KATNB1: variants seen among roughly 807,000 people sequenced by gnomAD.
The protein encoded by KATNB1 is katanin regulatory subunit B1.
In KATNB1, 38 loss-of-function variants were observed where a neutral mutation model predicts 82.3. The observed-to-expected ratio is 0.46, with a 90% confidence interval of 0.36 to 0.61. KATNB1 has a LOEUF of 0.61. Among genes scored for constraint, KATNB1 ranks in the 20% least tolerant of loss-of-function variants. The pLI is 0.00. For synonymous variants in KATNB1, 361 were observed against 368.7 expected (o/e 0.98, Z 0.24); for missense variants, 749 against 915.7 (o/e 0.82, Z 2.35).
intron 4 of KATNB1, 48 bp from the exon 5 acceptor site, chr16:57,750,779 C>A: frequency 6.9e-7 from 1 of 1,446,520 alleles, no homozygotes; most frequent in Non-Finnish European, 9.7e-7. Context: ...CCTCTGCCAG[C>A]CTTCTCATTT....
chr16:57,744,155 G>C (rs1197223939), intron 3 of KATNB1, among the ~76,000 whole-genome samples: 1 of 152,246 alleles, frequency 6.6e-6, no homozygotes, highest in African/African-American at 2.4e-5. Context: ...GCACAGCAGG[G>C]AAGAGGGAGG....
In KATNB1 at chr16:57,750,918, A is replaced by C; in HGVS notation, c.381A>C (p.Thr127=). The C allele has an allele frequency of 6.2e-7, 1 of 1,613,732 alleles. No homozygotes were observed. The highest frequency in any genetic ancestry group is 8.5e-7 in the Non-Finnish European group (1 of 1,179,658). The part of the protein sequence containing the change: ...GEFVASGSQD[T]NIKLWDIRRK... Reference sequence around the variant, plus strand: ...TTGTAGCCTCTGGTTCCCAGGACACAAACATCAAGGTGAGAGGCCGGTCCG... The same window carrying C: ...TTGTAGCCTCTGGTTCCCAGGACACCAACATCAAGGTGAGAGGCCGGTCCG... The change falls in exon 5 of 20, where the codon ACA becomes ACC. Residue 127 remains threonine (T), a synonymous_variant. Coordinates refer to ENST00000379661, the MANE Select transcript of KATNB1 (RefSeq NM_005886.3).
At chr16:57,755,281 G>A (rs1459258274) in intron 15 of KATNB1, 43 bp downstream of exon 15, 8 of 1,610,496 alleles carry the variant, frequency 5.0e-6, no homozygotes, top group Non-Finnish European at 6.8e-6. Context: ...AGGTCTGTGG[G>A]TGGAGGGCAG....
chr16:57,744,779 G>A (rs1356355812), intron 4 of KATNB1, among the ~76,000 whole-genome samples: 2 of 11,002 alleles, frequency 1.8e-4, no homozygotes, highest in East Asian at 1.6e-3. Context: ...GCGGGCACGT[G>A]TGTGTGTGTG....
chr16:57,739,180 AGT>A (rs2049124861), intron 2 of KATNB1, among the ~76,000 whole-genome samples: 1 of 152,156 alleles, frequency 6.6e-6, no homozygotes, highest in South Asian at 2.1e-4. Flanking sequence ...CCAAGCCATC[AGT>A]GTGTGCGAGC....
At position 57,755,913 on chromosome 16, in the gene KATNB1, A is replaced by G; in HGVS notation, c.1639A>G (p.Lys547Glu). Residue 547 changes from lysine to glutamate, a missense_variant, in exon 17 of 20, where the codon AAA (lysine) becomes GAA (glutamate). Lys to Glu is a moderately conservative substitution (Grantham distance 56). Around this residue, in one of 3 missense-constraint regions of KATNB1, gnomAD observed 407 missense variants for 434.7 expected, o/e 0.94. Transcript: ENST00000379661. ...GGACCTCCTGAACATCGTCAACCAG[A>G]AAGCGTAAGTGGCTGCAGAGGGGGA... ...VVDLLNIVNQ[K>E]ASLWKLDLCT... 6.3e-7 allele frequency: 1 copy of G among 1,599,604 alleles called. No homozygotes were observed.
chr16:57,755,064 C>T (rs2049264340), intron 14 of KATNB1, 55 bp from the exon 15 acceptor site: 5 of 1,613,200 alleles, frequency 3.1e-6, no homozygotes, highest in South Asian at 1.1e-5. Context: ...GGGGGTGCCT[C>T]GGGAGGCAGA....
chr16:57,755,968 G>A, intron 17 of KATNB1, 24 bp from the exon 18 acceptor site: 1 of 1,613,026 alleles, frequency 6.2e-7, no homozygotes, highest in East Asian at 2.2e-5. Flanking sequence ...TGGGCTGATG[G>A]CAGCATGTCC....
intron 2 of KATNB1, among the ~76,000 whole-genome samples, chr16:57,738,230 T>C (rs1228049813): frequency 6.6e-6 from 1 of 151,006 alleles, no homozygotes; most frequent in Non-Finnish European, 1.5e-5. Flanking sequence ...GTCCCTGGGC[T>C]GGTTTTCAGG....
chr16:57,741,749 C>T lies in KATNB1; in HGVS notation c.103C>T (p.Leu35=). The T allele has an allele frequency of 1.9e-6, 3 of 1,614,196 alleles. No homozygotes were observed. In the East Asian group the frequency reaches 6.7e-5, roughly 36 times the overall value. The change falls in exon 3 of 20, where the codon CTG becomes TTG. Residue 35 remains leucine (L), a synonymous_variant. Coordinates refer to ENST00000379661, the MANE Select transcript of KATNB1 (RefSeq NM_005886.3). ...GGTGCTGGGCAAAGCCTCCGGGCGG[C>T]TGCTGGCTACAGGCGGGGATGACTG... ...SLVLGKASGR[L]LATGGDDCRV... is the part of the protein sequence containing the mutation.
In KATNB1 at chr16:57,751,493, T is replaced by C; in HGVS notation, c.433-148T>C. On this transcript the variant is annotated intron_variant, in intron 6 of 19. Coordinates refer to ENST00000379661, the MANE Select transcript of KATNB1 (RefSeq NM_005886.3). The surrounding 1 kb of genome is among the most constrained non-coding windows in gnomAD (Gnocchi z 6.3). ...ATCCCCTGGCTCTGCATGAATCCCCTAGAGCCACGTTCATCAAACTGCTCC... is the reference window on the plus strand; with the variant it reads ...ATCCCCTGGCTCTGCATGAATCCCCCAGAGCCACGTTCATCAAACTGCTCC... 1.1e-6 allele frequency: 1 copy of C among 918,378 alleles called. No individual in the cohort carries two copies. Among genetic ancestry groups the C allele is most frequent in the East Asian group, 2.5e-5 (1 of 39,956 alleles). 56.9% of individuals were successfully genotyped at this position (918,378 alleles called of 1,614,324 possible). A position where few individuals can be genotyped will look rare whatever the true frequency, so the allele number is the denominator to read the frequency against.
intron 19 of KATNB1, 103 bp downstream of exon 19, chr16:57,756,575 G>A (rs2049286242): frequency 8.2e-7 from 1 of 1,224,558 alleles, no homozygotes; most frequent in Non-Finnish European, 1.1e-6. Context: ...CTGGGACAGA[G>A]TACAGAGGAG....
chr16:57,753,631 C>T lies in KATNB1; in HGVS notation c.1177+112C>T, dbSNP rs187502662. ...CGCATCCCTTTAACTTCCTCCTAAC[C>T]CACACCTGGGCTCCGTATCCTGTCC... is the stretch of plus-strand genomic sequence containing the variant. On this transcript the variant is annotated intron_variant, in intron 12 of 19. Transcript: ENST00000379661. The T allele has an allele frequency of 2.3e-4, 321 of 1,391,310 alleles. 1 individual carries two copies. The African/African-American group carries it at 4.2e-3, about 18-fold the overall frequency. The allele number at this position is 1,391,310 out of a possible 1,614,324, so 86.2% of individuals were successfully genotyped here.
At chr16:57,738,832 G>T (rs1482039677) in intron 2 of KATNB1, among the ~76,000 whole-genome samples, 1 of 152,212 alleles carries the variant, frequency 6.6e-6, no homozygotes, top group South Asian at 2.1e-4. Context: ...GGACAAAGTA[G>T]TCAAGGTCTC....
intron 4 of KATNB1, among the ~76,000 whole-genome samples, chr16:57,747,453 G>C (rs2049191736): frequency 6.6e-6 from 1 of 152,214 alleles, no homozygotes; most frequent in African/African-American, 2.4e-5. Flanking sequence ...CTCTGTGTAG[G>C]TGGTACTCAA....
At chr16:57,752,981 C>T (rs1015101490) in intron 10 of KATNB1, 53 bp downstream of exon 10, 3 of 1,594,934 alleles carry the variant, frequency 1.9e-6, no homozygotes, top group African/African-American at 1.3e-5. Context: ...CCACCCGCCT[C>T]CCTCCAGCCC....
At chr16:57,755,308 C>T (rs1489686832) in intron 15 of KATNB1, 37 bp from the exon 16 acceptor site, 3 of 1,611,238 alleles carry the variant, frequency 1.9e-6, no homozygotes, top group East Asian at 2.2e-5. Context: ...GCTGCTGGCT[C>T]CTCCCATGCC....
intron 3 of KATNB1, among the ~76,000 whole-genome samples, chr16:57,742,566 C>T (rs891996660): frequency 7.2e-5 from 11 of 152,230 alleles, no homozygotes; most frequent in African/African-American, 2.4e-4. Flanking sequence ...AATAAAAATA[C>T]ACTGCCACTC....
intron 2 of KATNB1, among the ~76,000 whole-genome samples, chr16:57,741,478 T>C (rs2049141359): frequency 1.3e-5 from 2 of 152,164 alleles, no homozygotes; most frequent in South Asian, 4.1e-4. Context: ...ATGATGAAAG[T>C]TGAGAAACAG....
Sources: allele counts gnomAD v4.1 joint callset (sites outside exome capture counted in the v4.1 genomes callset), GRCh38; gene constraint gnomAD v4.1.1; regional missense constraint gnomAD v4.1.1; non-coding constraint Gnocchi (gnomAD v3.1); transcripts MANE v1.5; gene names NCBI Gene and HGNC (gene_info 2026-07-23, HGNC 2026-07-21).